DNAH14: variants seen among roughly 807,000 people sequenced by gnomAD.
The protein encoded by DNAH14 is dynein axonemal heavy chain 14.
DNAH14 carries 478 observed loss-of-function variants against 520.9 expected under a neutral mutation model. The observed-to-expected ratio is 0.92, with a 90% CI of 0.85 to 0.99. The LOEUF (loss-of-function observed/expected upper bound fraction) is 0.99, where lower values mean the gene tolerates loss of function less well. Ranked by LOEUF, DNAH14 falls within the 50% of genes least tolerant of loss-of-function variation. The pLI is 0.00. For missense variants in DNAH14, 4,831 were observed against 5,234.5 expected, an observed-to-expected ratio of 0.92 and a Z score of 2.38; for synonymous variants, 1,581 against 1,757.2, an observed-to-expected ratio of 0.90 and a Z score of 2.51.
At chr1:225,352,852 A>T (rs568826794) in intron 72 of DNAH14, among the ~76,000 whole-genome samples, 1 of 152,104 alleles carries the variant, frequency 6.6e-6, no homozygotes, top group South Asian at 2.1e-4. Flanking sequence ...AGTTCTTATT[A>T]AGAAGGTCTC....
chr1:224,967,580 A>G lies in DNAH14; in HGVS notation c.648A>G (p.Ser216=), dbSNP rs1225163229. 6.2e-7 allele frequency: 1 copy of G among 1,601,334 alleles called. No homozygotes were observed. The part of the protein sequence containing the change: ...EFWVITASFI[S]KVINIVGSVK... ...GGGTTATTACTGCTTCATTTATCTCAAAGGTAATGTTTAATGGATGTTTTA... is the reference window on the plus strand; with the variant it reads ...GGGTTATTACTGCTTCATTTATCTCGAAGGTAATGTTTAATGGATGTTTTA... Residue 216 remains serine, a synonymous_variant, in exon 6 of 86, where the codon TCA becomes TCG. Coordinates refer to ENST00000682510, the MANE Select transcript of DNAH14 (RefSeq NM_001367479.1).
intron 17 of DNAH14, among the ~76,000 whole-genome samples, chr1:225,061,563 C>T (rs1185647544): frequency 6.6e-6 from 1 of 152,212 alleles, no homozygotes; most frequent in Non-Finnish European, 1.5e-5. Flanking sequence ...GAACCCAGTA[C>T]CTCAGTTGGA....
intron 41 of DNAH14, among the ~76,000 whole-genome samples, chr1:225,211,046 A>G (rs1018086584): frequency 1.3e-5 from 2 of 152,248 alleles, no homozygotes; most frequent in Non-Finnish European, 2.9e-5. Context: ...GAAGATGAGG[A>G]AAAACCAGCA....
At chr1:225,228,827 A>C (rs1307409822) in intron 41 of DNAH14, among the ~76,000 whole-genome samples, 2 of 152,118 alleles carry the variant, frequency 1.3e-5, no homozygotes, top group African/African-American at 4.8e-5. Flanking sequence ...TTGTGGGAGA[A>C]ATTATAGGAA....
chr1:225,188,271 A>G (rs2084978550), intron 37 of DNAH14, among the ~76,000 whole-genome samples: 1 of 151,884 alleles, frequency 6.6e-6, no homozygotes, highest in Non-Finnish European at 1.5e-5. Flanking sequence ...ACTACATTAC[A>G]ATGCCTACAT....
In DNAH14 at chr1:224,952,717, A is replaced by G. The variant is rs1392925100; in HGVS notation, c.15A>G (p.Ile5Met). 2 of 1,602,734 alleles carry G rather than the reference A, an allele frequency of 1.2e-6. No individual in the cohort carries two copies. The highest frequency in any genetic ancestry group is 1.7e-6 in the Non-Finnish European group (2 of 1,175,100). Residue 5 changes from isoleucine to methionine, a missense_variant, in exon 2 of 86, where the codon ATA becomes ATG. By Grantham distance (10) the Ile-to-Met change is conservative (BLOSUM62 1). Coordinates refer to ENST00000682510, the MANE Select transcript of DNAH14 (RefSeq NM_001367479.1). Reference protein sequence around the residue: METFIPIDLTTENQE... With the variant: METFMPIDLTTENQE... ...CAGAAAAACATATGGAGACGTTTAT[A>G]CCCATTGATTTGACAACTGAAAATC...
chr1:225,312,779 G>A (rs945344595), intron 60 of DNAH14, among the ~76,000 whole-genome samples: 3 of 152,212 alleles, frequency 2.0e-5, no homozygotes, highest in South Asian at 2.1e-4. Flanking sequence ...CCAACCTTGC[G>A]TCCAGGGATG....
intron 27 of DNAH14, among the ~76,000 whole-genome samples, chr1:225,126,889 G>T (rs1457720323): frequency 6.6e-6 from 1 of 151,916 alleles, no homozygotes. Context: ...ATGTGTCCCA[G>T]AGATTCTGGT....
At chr1:225,149,427 A>G (rs1468168783) in intron 31 of DNAH14, among the ~76,000 whole-genome samples, 14 of 152,282 alleles carry the variant, frequency 9.2e-5, no homozygotes, top group East Asian at 1.9e-4. Flanking sequence ...TTTTTGTTTC[A>G]TATGAATTGT....
At chr1:225,170,969 T>C (rs35852721) in intron 36 of DNAH14, among the ~76,000 whole-genome samples, 19,442 of 152,120 alleles carry the variant, frequency 0.13, 1,396 homozygotes, top group East Asian at 0.31. Context: ...AGAAACTCAC[T>C]CAAAACTGCT....
intron 34 of DNAH14, among the ~76,000 whole-genome samples, chr1:225,157,371 G>C (rs1267835110): frequency 1.3e-5 from 2 of 152,036 alleles, no homozygotes; most frequent in Non-Finnish European, 2.9e-5. Context: ...ATCATAATGG[G>C]TACAACAAGG....
intron 17 of DNAH14, among the ~76,000 whole-genome samples, chr1:225,062,829 A>G (rs1396842223): frequency 6.6e-6 from 1 of 152,248 alleles, no homozygotes; most frequent in Non-Finnish European, 1.5e-5. Context: ...ATAGACCTCA[A>G]AGAGATCAAA....
At chr1:225,212,592 A>G (rs2088607532) in intron 41 of DNAH14, among the ~76,000 whole-genome samples, 1 of 152,002 alleles carries the variant, frequency 6.6e-6, no homozygotes, top group Non-Finnish European at 1.5e-5. Context: ...TTTAATGATC[A>G]CCATTCTAAC....
At chr1:225,153,226 A>G (rs2080685207) in intron 33 of DNAH14, among the ~76,000 whole-genome samples, 1 of 152,146 alleles carries the variant, frequency 6.6e-6, no homozygotes, top group South Asian at 2.1e-4. Flanking sequence ...TACCAGAATC[A>G]TTTGGAGGAT....
At chr1:225,065,200 G>A (rs2148449033) in intron 17 of DNAH14, among the ~76,000 whole-genome samples, 1 of 151,818 alleles carries the variant, frequency 6.6e-6, no homozygotes, top group East Asian at 1.9e-4. Context: ...ATCTTCCAGG[G>A]TTTTTATAGT....
Position 225,140,922 on chromosome 1 carries a change from T to C in DNAH14, c.4409T>C (p.Ile1470Thr), listed in dbSNP as rs1316571109. The change falls in exon 28 of 86, where the codon ATA becomes ACA. Residue 1470 changes from isoleucine (I) to threonine (T), a missense_variant. Coordinates refer to ENST00000682510, the MANE Select transcript of DNAH14 (RefSeq NM_001367479.1). Reference protein sequence around the residue: ...LDTSNSRTKAILGALLILYVH... With the variant: ...LDTSNSRTKATLGALLILYVH... The stretch of plus-strand genomic sequence containing the variant: ...ACTAGTAACTCTCGAACAAAAGCTA[T>C]ACTAGGGGCATTGCTTATCCTTTAT... 5 of 1,551,296 alleles carry C rather than the reference T, an allele frequency of 3.2e-6. No individual in the cohort carries two copies. In the East Asian group the frequency reaches 7.3e-5, roughly 23 times the overall value.
intron 49 of DNAH14, among the ~76,000 whole-genome samples, chr1:225,267,879 C>CCAGG: frequency 6.6e-6 from 1 of 151,652 alleles, no homozygotes. Context: ...GGGGAAGAAT[C>CCAGG]CAGGTATGGC....
chr1:225,099,917 A>G (rs1274936847), intron 22 of DNAH14, among the ~76,000 whole-genome samples: 1 of 152,180 alleles, frequency 6.6e-6, no homozygotes, highest in African/African-American at 2.4e-5. Context: ...TCCCCTCTTC[A>G]ACTTCAGAGC....
At chr1:225,212,097 CA>C (rs1346065447) in intron 41 of DNAH14, among the ~76,000 whole-genome samples, 4 of 135,480 alleles carry the variant, frequency 3.0e-5, no homozygotes, top group Admixed American at 1.6e-4. Flanking sequence ...TAATGTTCCC[CA>C]CCCTGTGTCA....
Sources: allele counts gnomAD v4.1 joint callset (sites outside exome capture counted in the v4.1 genomes callset), GRCh38; gene constraint gnomAD v4.1.1; transcripts MANE v1.5; gene names NCBI Gene and HGNC (gene_info 2026-07-23, HGNC 2026-07-21).